VPS13B: variants seen among roughly 807,000 people sequenced by gnomAD.
VPS13B encodes vacuolar protein sorting 13 homolog B.
In VPS13B, 285 loss-of-function variants were observed where a neutral mutation model predicts 426.4. The ratio of observed to expected loss-of-function variants is 0.67; its 90% CI spans 0.61 to 0.74. The LOEUF is 0.74. Among genes scored for constraint, VPS13B ranks in the 30% least tolerant of loss-of-function variants. The pLI is 0.00. For synonymous variants in VPS13B, 1,676 were observed against 1,676.4 expected (o/e 1.00, Z 0.01); for missense variants, 4,537 against 4,782.6 (o/e 0.95, Z 1.51).
chr8:99,263,663 G>T (rs1468234088), intron 17 of VPS13B, among the ~76,000 whole-genome samples: 6 of 151,738 alleles, frequency 4.0e-5, no homozygotes, highest in African/African-American at 1.5e-4. Context: ...ACTCTTTTTT[G>T]CCTTCTCCTA....
intron 33 of VPS13B, among the ~76,000 whole-genome samples, chr8:99,602,282 A>C (rs943592430): frequency 2.6e-5 from 4 of 152,118 alleles, no homozygotes; most frequent in African/African-American, 4.8e-5. Flanking sequence ...TGTTTTTGTC[A>C]GGTTTGTCAA....
intron 23 of VPS13B, among the ~76,000 whole-genome samples, chr8:99,464,061 C>A (rs1010599491): frequency 7.5e-6 from 1 of 133,164 alleles, no homozygotes; most frequent in African/African-American, 3.1e-5. Context: ...GCAATTTTGG[C>A]CTATTTATGT....
chr8:99,257,189 A>G (rs1817790500), intron 17 of VPS13B, among the ~76,000 whole-genome samples: 1 of 152,178 alleles, frequency 6.6e-6, no homozygotes, highest in African/African-American at 2.4e-5. Context: ...TTTGGAGGGA[A>G]TATATATTCA....
intron 21 of VPS13B, among the ~76,000 whole-genome samples, chr8:99,427,435 T>G (rs1222803290): frequency 1.3e-5 from 2 of 150,626 alleles, no homozygotes; most frequent in African/African-American, 4.9e-5. Context: ...AAGTAGTTTT[T>G]TCCAATTCTG....
intron 19 of VPS13B, among the ~76,000 whole-genome samples, chr8:99,358,719 G>A (rs1472714502): frequency 6.6e-6 from 1 of 152,140 alleles, no homozygotes; most frequent in Non-Finnish European, 1.5e-5. Flanking sequence ...GTTATGAGAG[G>A]CTGTTAGCAC....
At chr8:99,541,367 C>T (rs1823606741) in intron 30 of VPS13B, among the ~76,000 whole-genome samples, 1 of 152,038 alleles carries the variant, frequency 6.6e-6, no homozygotes, top group African/African-American at 2.4e-5. Context: ...CTGGATTACA[C>T]GTGCTGGACA....
chr8:99,323,186 T>C (rs1002480956), intron 19 of VPS13B, among the ~76,000 whole-genome samples: 6 of 152,162 alleles, frequency 3.9e-5, no homozygotes, highest in Non-Finnish European at 8.8e-5. Flanking sequence ...CAACAAACTT[T>C]CACTTTGTTT....
At chr8:99,468,128 C>A (rs560706199) in intron 24 of VPS13B, among the ~76,000 whole-genome samples, 45 of 152,220 alleles carry the variant, frequency 3.0e-4, no homozygotes, top group Non-Finnish European at 5.0e-4. Context: ...TTAGGTATAT[C>A]TCCTAATGCT....
intron 22 of VPS13B, among the ~76,000 whole-genome samples, chr8:99,433,828 A>G (rs1466513138): frequency 6.6e-6 from 1 of 151,664 alleles, no homozygotes; most frequent in Non-Finnish European, 1.5e-5. Flanking sequence ...TTGTTTTTGG[A>G]CAGAATCTTA....
chr8:99,777,260 T>G (rs1210174564), intron 41 of VPS13B, among the ~76,000 whole-genome samples: 1 of 152,182 alleles, frequency 6.6e-6, no homozygotes. Flanking sequence ...CTTGTATTAG[T>G]TCATTTTTCA....
chr8:99,198,831 TTCTTG>T (rs1271193964), intron 17 of VPS13B, among the ~76,000 whole-genome samples: 1 of 152,048 alleles, frequency 6.6e-6, no homozygotes, highest in African/African-American at 2.4e-5. Context: ...GTGGTCAGTT[TTCTTG>T]TCTTTTTTCC....
At chr8:99,491,356 A>C (rs1424478016) in intron 25 of VPS13B, among the ~76,000 whole-genome samples, 1 of 152,126 alleles carries the variant, frequency 6.6e-6, no homozygotes, top group African/African-American at 2.4e-5. Context: ...TGTTCTTCTC[A>C]AGGAGTATCT....
intron 55 of VPS13B, among the ~76,000 whole-genome samples, chr8:99,850,356 T>A (rs1221027995): frequency 1.3e-5 from 2 of 148,330 alleles, no homozygotes; most frequent in Admixed American, 6.6e-5. Flanking sequence ...CATACATACA[T>A]AAGTACGCAT....
chr8:99,592,728 G>T (rs1826757553), intron 33 of VPS13B, among the ~76,000 whole-genome samples: 2 of 152,044 alleles, frequency 1.3e-5, no homozygotes, highest in African/African-American at 4.8e-5. Flanking sequence ...ATAGACCAAT[G>T]AAACAGAATA....
intron 19 of VPS13B, among the ~76,000 whole-genome samples, chr8:99,309,863 A>G (rs1252706425): frequency 6.6e-6 from 1 of 152,152 alleles, no homozygotes. Flanking sequence ...TTTGTTGAGC[A>G]GTGGTTTGTA....
At chr8:99,326,436 T>A (rs1215248839) in intron 19 of VPS13B, among the ~76,000 whole-genome samples, 2 of 146,836 alleles carry the variant, frequency 1.4e-5, no homozygotes, top group Non-Finnish European at 3.0e-5. Context: ...AATTTCTATC[T>A]ATCATCTCTA....
chr8:99,500,521 A>G (rs1456401224), intron 25 of VPS13B, among the ~76,000 whole-genome samples: 1 of 152,112 alleles, frequency 6.6e-6, no homozygotes, highest in African/African-American at 2.4e-5. Flanking sequence ...TTTACAGAGG[A>G]GTGTACAGTT....
At chr8:99,563,348 A>G (rs1554847511) in intron 31 of VPS13B, among the ~76,000 whole-genome samples, 1 of 152,230 alleles carries the variant, frequency 6.6e-6, no homozygotes, top group Non-Finnish European at 1.5e-5. Context: ...ATGCAGTGTG[A>G]AGAATGCTAT....
intron 19 of VPS13B, among the ~76,000 whole-genome samples, chr8:99,344,610 T>C (rs890265829): frequency 6.6e-6 from 1 of 152,212 alleles, no homozygotes; most frequent in Non-Finnish European, 1.5e-5. Context: ...GTGAGACTTA[T>C]ATGGATTTTT....
Sources: gnomAD v4.1 joint callset for allele counts (sites outside exome capture counted in the v4.1 genomes callset) on GRCh38, gnomAD v4.1.1 for gene constraint, MANE v1.5 for transcripts, NCBI Gene and HGNC (gene_info 2026-07-23, HGNC 2026-07-21) for gene names.